Variants in HNMT observed in about 807,000 individuals in gnomAD.
The protein encoded by HNMT is histamine N-methyltransferase.
In HNMT, 30 loss-of-function variants were observed where a neutral mutation model predicts 32.1. The ratio of observed to expected loss-of-function variants is 0.93; its 90% CI spans 0.70 to 1.27. The LOEUF (loss-of-function observed/expected upper bound fraction) is 1.27, where lower values mean the gene tolerates loss of function less well. Among genes scored for constraint, HNMT ranks in the 50% most tolerant of loss-of-function variants. HNMT has a pLI of 0.00. For missense variants in HNMT, 327 were observed against 346.0 expected, an observed-to-expected ratio of 0.95 and a Z score of 0.43; for synonymous variants, 125 against 119.0, an observed-to-expected ratio of 1.05 and a Z score of -0.33.
intron 2 of HNMT, among the ~76,000 whole-genome samples, chr2:137,993,024 T>G (rs1680871976): frequency 6.6e-6 from 1 of 151,454 alleles, no homozygotes; most frequent in South Asian, 2.1e-4. Flanking sequence ...CAACAAAAAG[T>G]CTCCACAAAA....
intron 2 of HNMT, among the ~76,000 whole-genome samples, chr2:137,972,089 C>T (rs971901308): frequency 4.0e-5 from 6 of 151,836 alleles, no homozygotes; most frequent in Non-Finnish European, 7.4e-5. Flanking sequence ...AATGAGATCA[C>T]TGATTTTTTG....
intron 2 of HNMT, among the ~76,000 whole-genome samples, chr2:137,983,506 C>T (rs4646322): frequency 0.13 from 19,633 of 152,054 alleles, 1,546 homozygotes; most frequent in Middle Eastern, 0.19. Flanking sequence ...GAATTCTTAG[C>T]TGGGATGGGT....
At chr2:137,984,790 A>G (rs1354823167) in intron 2 of HNMT, among the ~76,000 whole-genome samples, 1 of 152,190 alleles carries the variant, frequency 6.6e-6, no homozygotes, top group East Asian at 1.9e-4. Flanking sequence ...CATAAAAATA[A>G]CATTTTTTAA....
intron 5 of HNMT, among the ~76,000 whole-genome samples, chr2:138,006,439 CTTAT>C (rs1401883614): frequency 2.6e-5 from 4 of 151,914 alleles, no homozygotes; most frequent in Non-Finnish European, 4.4e-5. Flanking sequence ...GGTCTAATCT[CTTAT>C]TTATATTTGG....
chr2:137,970,936 AGAAAGAAAGAAAGAAAGAAAG>A (rs1259845105), intron 2 of HNMT, among the ~76,000 whole-genome samples: 1 of 22,802 alleles, frequency 4.4e-5, no homozygotes, highest in African/African-American at 5.9e-5. Flanking sequence ...AAAAAAAAAA[AGAAAGAAAGAAAGAAAGAAAG>A]AAAGAAAGAA....
At chr2:137,987,037 T>C (rs1207862963) in intron 2 of HNMT, among the ~76,000 whole-genome samples, 1 of 152,346 alleles carries the variant, frequency 6.6e-6, no homozygotes, top group Non-Finnish European at 1.5e-5. Context: ...TACTATGATA[T>C]GTTTGAATAG....
chr2:137,983,880 T>C (rs914324400), intron 2 of HNMT, among the ~76,000 whole-genome samples: 4 of 152,062 alleles, frequency 2.6e-5, no homozygotes, highest in Admixed American at 1.3e-4. Context: ...ATAGGGAAAA[T>C]TTTCCTTCCA....
At chr2:137,986,287 G>A (rs1172332106) in intron 2 of HNMT, among the ~76,000 whole-genome samples, 1 of 151,190 alleles carries the variant, frequency 6.6e-6, no homozygotes, top group Non-Finnish European at 1.5e-5. Flanking sequence ...ACCTTAATAT[G>A]TAAAATAAGG....
At chr2:137,998,756 A>G (rs962357262) in intron 2 of HNMT, among the ~76,000 whole-genome samples, 2 of 152,178 alleles carry the variant, frequency 1.3e-5, no homozygotes, top group Non-Finnish European at 2.9e-5. Context: ...GTCAAGGTCC[A>G]TCTTTGGAGG....
Position 138,013,900 on chromosome 2 carries a change from T to C in HNMT, c.649T>C (p.Cys217Arg). ...MLDNLGLKYE[C>R]YDLLSTMDIS... ...GGACAACCTAGGGCTTAAGTATGAG[T>C]GCTATGACCTTTTGTCCACCATGGA... is the stretch of plus-strand genomic sequence containing the variant. The change falls in exon 6 of 6, where the codon TGC becomes CGC. Residue 217 changes from cysteine (C) to arginine (R), a missense_variant. Cys to Arg is a radical substitution (Grantham distance 180, BLOSUM62 -3). Transcript: ENST00000280097. 1 of 1,613,760 alleles carries C rather than the reference T, an allele frequency of 6.2e-7. No individual in the cohort carries two copies. The highest frequency in any genetic ancestry group is 8.5e-7 in the Non-Finnish European group (1 of 1,179,802).
chr2:138,011,713 C>G (rs1222046294), intron 5 of HNMT, among the ~76,000 whole-genome samples: 1 of 152,098 alleles, frequency 6.6e-6, no homozygotes, highest in East Asian at 1.9e-4. Context: ...ACATTTAATC[C>G]TAGAAGCACA....
At chr2:137,983,135 G>C (rs1031967059) in intron 2 of HNMT, among the ~76,000 whole-genome samples, 6 of 152,244 alleles carry the variant, frequency 3.9e-5, no homozygotes, top group African/African-American at 1.2e-4. Flanking sequence ...GAAAGTTCTA[G>C]AGCCTAAAGT....
chr2:138,001,233 A>T (rs1681161152), intron 3 of HNMT, among the ~76,000 whole-genome samples: 1 of 152,192 alleles, frequency 6.6e-6, no homozygotes, highest in Non-Finnish European at 1.5e-5. Context: ...TTAACACTTC[A>T]TCCATTCCCC....
chr2:137,994,824 C>T (rs755078019), intron 2 of HNMT, among the ~76,000 whole-genome samples: 4 of 152,204 alleles, frequency 2.6e-5, no homozygotes, highest in Non-Finnish European at 5.9e-5. Flanking sequence ...GTCTCTCAGA[C>T]CACAGTGCAA....
In HNMT at chr2:138,001,019, T is replaced by G; in HGVS notation, c.292T>G (p.Tyr98Asp). 1 of 1,585,256 alleles carries G rather than the reference T, an allele frequency of 6.3e-7. No individual in the cohort carries two copies. Among genetic ancestry groups the G allele is most frequent in the Non-Finnish European group, 8.6e-7 (1 of 1,157,334 alleles). ...VEPSAEQIAK[Y>D]KELVAKTSNL... Reference sequence around the variant, plus strand: ...GCCAAGTGCTGAACAAATTGCCAAATACAAAGGTACCTGTAACTCCTGGTC... The same window carrying G: ...GCCAAGTGCTGAACAAATTGCCAAAGACAAAGGTACCTGTAACTCCTGGTC... The change falls in exon 3 of 6, where the codon TAC becomes GAC. Residue 98 changes from tyrosine to aspartate, a missense_variant. Physicochemically the swap from Tyr to Asp is radical, Grantham distance 160. Transcript: ENST00000280097.
chr2:137,983,760 G>A (rs1035514546), intron 2 of HNMT, among the ~76,000 whole-genome samples: 1 of 152,192 alleles, frequency 6.6e-6, no homozygotes, highest in African/African-American at 2.4e-5. Flanking sequence ...GAAAATATGA[G>A]TAAGTTTGTT....
intron 5 of HNMT, 48 bp downstream of exon 5, chr2:138,005,273 G>A (rs62622815): frequency 0.015 from 14,736 of 953,596 alleles, 153 homozygotes; most frequent in Non-Finnish European, 0.017. Flanking sequence ...AATAATACAC[G>A]TATGCATGGA....
intron 2 of HNMT, among the ~76,000 whole-genome samples, chr2:137,996,352 T>A (rs1039741623): frequency 2.0e-5 from 3 of 152,098 alleles, no homozygotes; most frequent in Non-Finnish European, 4.4e-5. Context: ...TGTGCAAAAA[T>A]CACAAGCATT....
rs540259266 is a variant in HNMT at position 137,999,012 on chromosome 2, C to T, written c.191-1906C>T. ...TCTTTTTTTCCCTTCAGAATAGTTG[C>T]TGAACAGAAGAATAAAAGGCTTTTC... is the stretch of plus-strand genomic sequence containing the variant. On this transcript the variant is annotated intron_variant, in intron 2 of 5. Coordinates refer to ENST00000280097, the MANE Select transcript of HNMT (RefSeq NM_006895.3). 2.7e-4 allele frequency among the ~76,000 whole-genome samples: 41 copies of T among 152,206 alleles called. 1 individual carries two copies. The highest frequency in any genetic ancestry group is 1.6e-3 in the Admixed American group (25 of 15,276).
Sources: allele counts gnomAD v4.1 joint callset (sites outside exome capture counted in the v4.1 genomes callset), GRCh38; gene constraint gnomAD v4.1.1; transcripts MANE v1.5; gene names NCBI Gene and HGNC (gene_info 2026-07-23, HGNC 2026-07-21).